PDE4B: variants seen among roughly 807,000 people sequenced by gnomAD.
PDE4B encodes the protein 3',5'-cyclic-AMP phosphodiesterase 4B.
In PDE4B, 20 loss-of-function variants were observed where a neutral mutation model predicts 82.2. The ratio of observed to expected loss-of-function variants is 0.24; its 90% CI spans 0.17 to 0.35. PDE4B has a LOEUF of 0.35. Among genes scored for constraint, PDE4B ranks in the 10% least tolerant of loss-of-function variants. The pLI, the probability that PDE4B is intolerant of heterozygous loss-of-function variation, is 1.00. For synonymous variants in PDE4B, 320 were observed against 318.9 expected, an observed-to-expected ratio of 1.00 and a Z score of -0.04; for missense variants, 655 against 907.2, an observed-to-expected ratio of 0.72 and a Z score of 3.57.
At chr1:66,219,850 C>T (rs1226009288) in intron 3 of PDE4B, among the ~76,000 whole-genome samples, 1 of 152,124 alleles carries the variant, frequency 6.6e-6, no homozygotes. Context: ...CTCAGCAGGA[C>T]TTGTAGTTAC....
chr1:65,813,893 C>CAAAAAAAAAAAAAAA (rs5774766), intron 1 of PDE4B, among the ~76,000 whole-genome samples: 1 of 103,434 alleles, frequency 9.7e-6, no homozygotes, highest in Non-Finnish European at 2.0e-5. Context: ...GGCACTGCGG[C>CAAAAAAAAAAAAAAA]AAAAAAAAAA....
chr1:66,175,289 G>A (rs1646912414), intron 3 of PDE4B, among the ~76,000 whole-genome samples: 1 of 152,318 alleles, frequency 6.6e-6, no homozygotes, highest in South Asian at 2.1e-4. Context: ...CTGAGAAGAA[G>A]CCAAGTTTCA....
In PDE4B at chr1:65,832,417, A is replaced by C. The variant is rs1646093451; in HGVS notation, c.-71+39169A>C. 2.0e-5 allele frequency among the ~76,000 whole-genome samples: 3 copies of C among 152,336 alleles called. No homozygotes were observed. The East Asian group carries it at 5.8e-4, about 29-fold the overall frequency. On this transcript the variant is annotated intron_variant, in intron 1 of 16. Transcript: ENST00000341517. The stretch of plus-strand genomic sequence containing the variant: ...ACTTGGTCGAGAGTGATTTAAATTA[A>C]ATGTGGAAATGAAGAGAGGATTTGG...
intron 3 of PDE4B, among the ~76,000 whole-genome samples, chr1:65,952,688 A>T (rs980732526): frequency 2.0e-5 from 3 of 152,060 alleles, no homozygotes; most frequent in African/African-American, 7.2e-5. Context: ...GTCTCAAAAA[A>T]ATAAAAATAT....
intron 4 of PDE4B, 23 bp from the exon 5 acceptor site, chr1:66,257,624 T>C (rs777677664): frequency 1.2e-6 from 2 of 1,607,870 alleles, no homozygotes; most frequent in Non-Finnish European, 1.7e-6. Flanking sequence ...TTTCTAAAGG[T>C]TCTTTTTTTC....
chr1:66,058,422 C>G (rs962770809), intron 3 of PDE4B, among the ~76,000 whole-genome samples: 4 of 152,222 alleles, frequency 2.6e-5, no homozygotes, highest in African/African-American at 9.6e-5. Flanking sequence ...TAGGCAGTGC[C>G]CCAGTAGGGA....
intron 7 of PDE4B, among the ~76,000 whole-genome samples, chr1:66,301,496 A>G (rs1052049440): frequency 3.3e-5 from 5 of 151,878 alleles, no homozygotes; most frequent in African/African-American, 1.2e-4. Context: ...ACTTGCCAGG[A>G]CCCTCAAGGC....
At chr1:66,131,604 T>TGA (rs1457174853) in intron 3 of PDE4B, among the ~76,000 whole-genome samples, 1 of 79,066 alleles carries the variant, frequency 1.3e-5, no homozygotes. Context: ...TATATATATA[T>TGA]ATATATATAT....
chr1:65,965,831 GCA>G (rs1287987102), intron 3 of PDE4B, among the ~76,000 whole-genome samples: 5 of 152,040 alleles, frequency 3.3e-5, no homozygotes, highest in African/African-American at 1.2e-4. Context: ...GAAAAGGCCT[GCA>G]ACAAAATTCA....
At chr1:65,951,365 A>G (rs1027791141) in intron 3 of PDE4B, among the ~76,000 whole-genome samples, 2 of 152,128 alleles carry the variant, frequency 1.3e-5, no homozygotes, top group African/African-American at 4.8e-5. Flanking sequence ...AGAAGGGATG[A>G]TACAAAAGTA....
intron 3 of PDE4B, among the ~76,000 whole-genome samples, chr1:66,186,410 A>T (rs935415285): frequency 3.3e-5 from 5 of 152,210 alleles, no homozygotes; most frequent in African/African-American, 1.2e-4. Flanking sequence ...CATCGAATCT[A>T]TAAATCACCT....
intron 7 of PDE4B, among the ~76,000 whole-genome samples, chr1:66,298,599 A>T (rs1223334380): frequency 2.6e-5 from 4 of 152,186 alleles, no homozygotes; most frequent in South Asian, 2.1e-4. Flanking sequence ...CCTGGGCTTG[A>T]GTCCAAGACT....
chr1:66,016,733 T>G (rs1159930319), intron 3 of PDE4B, among the ~76,000 whole-genome samples: 4 of 152,172 alleles, frequency 2.6e-5, no homozygotes, highest in African/African-American at 4.8e-5. Context: ...ACTTTGTAGG[T>G]TTCCCAAACT....
intron 3 of PDE4B, among the ~76,000 whole-genome samples, chr1:65,922,109 G>C (rs1356875306): frequency 3.3e-5 from 5 of 152,202 alleles, no homozygotes; most frequent in African/African-American, 1.2e-4. Context: ...GCAAGAAAGA[G>C]TTAGAAAGGA....
intron 1 of PDE4B, among the ~76,000 whole-genome samples, chr1:65,794,686 G>C (rs770705111): frequency 2.0e-5 from 3 of 152,206 alleles, no homozygotes; most frequent in East Asian, 1.9e-4. Context: ...TAATATGTTT[G>C]CTGGCTGTTT....
intron 1 of PDE4B, among the ~76,000 whole-genome samples, chr1:65,838,700 A>C (rs1292328469): frequency 6.6e-6 from 1 of 151,160 alleles, no homozygotes; most frequent in Non-Finnish European, 1.5e-5. Context: ...AGATAGTGCT[A>C]GTGATCGATT....
intron 3 of PDE4B, among the ~76,000 whole-genome samples, chr1:66,142,694 A>C (rs1646196794): frequency 6.6e-6 from 1 of 152,230 alleles, no homozygotes; most frequent in African/African-American, 2.4e-5. Flanking sequence ...CATTTGCATC[A>C]TGGGAAAAGC....
chr1:65,936,382 G>A (rs925791754), intron 3 of PDE4B, among the ~76,000 whole-genome samples: 11 of 152,118 alleles, frequency 7.2e-5, no homozygotes, highest in South Asian at 2.1e-4. Flanking sequence ...GTAATGCTAC[G>A]ACATTATTAT....
intron 3 of PDE4B, among the ~76,000 whole-genome samples, chr1:66,195,473 A>G (rs1361233968): frequency 6.6e-6 from 1 of 152,170 alleles, no homozygotes; most frequent in Admixed American, 6.6e-5. Flanking sequence ...AGCAGTGTTT[A>G]TGAATAATAC....
Sources: allele counts gnomAD v4.1 joint callset (sites outside exome capture counted in the v4.1 genomes callset), GRCh38; gene constraint gnomAD v4.1.1; transcripts MANE v1.5; gene names NCBI Gene and HGNC (gene_info 2026-07-23, HGNC 2026-07-21).